GDA: variants seen among roughly 807,000 people sequenced by gnomAD.
GDA encodes the protein guanine deaminase, also known as cytoplasmic PSD-95 interactor.
GDA carries 18 observed loss-of-function variants against 59.6 expected under a neutral mutation model. The observed-to-expected ratio is 0.30, with a 90% CI of 0.21 to 0.45. The LOEUF is 0.45. Ranked by LOEUF, GDA falls within the 20% of genes least tolerant of loss-of-function variation. The probability of loss-of-function intolerance (pLI) is 1.00; values close to 1 mark genes in which losing one functional copy is unlikely to be tolerated. For missense variants in GDA, 427 were observed against 552.3 expected (o/e 0.77, Z 2.27); for synonymous variants, 201 against 201.1 (o/e 1.00, Z 0.00).
At chr9:72,221,974 G>A (rs2131569441) in intron 6 of GDA, among the ~76,000 whole-genome samples, 1 of 152,282 alleles carries the variant, frequency 6.6e-6, no homozygotes, top group Admixed American at 6.5e-5. Context: ...TGGGCATTTA[G>A]GTTGATTCCA....
chr9:72,213,639 T>TA (rs1415133697), intron 4 of GDA, among the ~76,000 whole-genome samples: 2 of 150,652 alleles, frequency 1.3e-5, no homozygotes, highest in Non-Finnish European at 3.0e-5. Flanking sequence ...CCGTCTCTAC[T>TA]AAAAATACAA....
chr9:72,228,080 G>A (rs2131625919), intron 9 of GDA, 40 bp downstream of exon 9: 1 of 1,145,876 alleles, frequency 8.7e-7, no homozygotes, highest in Admixed American at 1.8e-5. Context: ...ACGAATGATT[G>A]GGTTGCAGAT....
downstream of GDA, among the ~76,000 whole-genome samples, chr9:72,256,707 G>A (rs1414873444): frequency 7.2e-5 from 11 of 152,214 alleles, no homozygotes; most frequent in Admixed American, 6.5e-4. Context: ...GAATCACCAT[G>A]GGTGTTGGTT....
chr9:72,219,866 G>C (rs1836630803), intron 6 of GDA, among the ~76,000 whole-genome samples: 1 of 152,064 alleles, frequency 6.6e-6, no homozygotes, highest in South Asian at 2.1e-4. Flanking sequence ...TGTTATAACT[G>C]AAAATTTGTA....
At chr9:72,208,668 A>G (rs565144200) in intron 3 of GDA, among the ~76,000 whole-genome samples, 129 of 152,346 alleles carry the variant, frequency 8.5e-4, no homozygotes, top group Non-Finnish European at 1.5e-3. Context: ...GAAAGAGTTC[A>G]TGGAGAGTAA....
intron 1 of GDA, among the ~76,000 whole-genome samples, chr9:72,135,760 C>G (rs1564152079): frequency 6.6e-6 from 1 of 151,958 alleles, no homozygotes; most frequent in Non-Finnish European, 1.5e-5. Flanking sequence ...ATAGGCACCC[C>G]CCACTATGCC....
chr9:72,186,899 C>A (rs1471550696), intron 1 of GDA, among the ~76,000 whole-genome samples: 1 of 152,172 alleles, frequency 6.6e-6, no homozygotes, highest in East Asian at 1.9e-4. Context: ...TCCATTGGAA[C>A]CCACAGGGCC....
chr9:72,163,787 C>T (rs921615134), intron 1 of GDA, among the ~76,000 whole-genome samples: 2 of 152,170 alleles, frequency 1.3e-5, no homozygotes, highest in East Asian at 1.9e-4. Context: ...CCACCATGCC[C>T]GGCCAACTAT....
chr9:72,229,584 T>C (rs1031408660), intron 9 of GDA, among the ~76,000 whole-genome samples: 2 of 152,060 alleles, frequency 1.3e-5, no homozygotes, highest in South Asian at 4.1e-4. Context: ...CAAATGCTTA[T>C]GGGTTGTTGT....
intron 10 of GDA, among the ~76,000 whole-genome samples, chr9:72,237,929 T>G (rs957581359): frequency 1.3e-5 from 2 of 152,136 alleles, no homozygotes; most frequent in African/African-American, 4.8e-5. Flanking sequence ...GCTGAACTGC[T>G]GCACCAGCTT....
intron 1 of GDA, among the ~76,000 whole-genome samples, chr9:72,194,717 G>A (rs910694376): frequency 3.9e-5 from 6 of 152,124 alleles, no homozygotes; most frequent in African/African-American, 1.4e-4. Context: ...TAGTCCTTGG[G>A]ACCTAGACTG....
At chr9:72,133,306 A>AAT (rs1826099470) in intron 1 of GDA, among the ~76,000 whole-genome samples, 1 of 140,618 alleles carries the variant, frequency 7.1e-6, no homozygotes, top group Non-Finnish European at 1.5e-5. Context: ...AAAAAAAAAA[A>AAT]AAAATAATAA....
chr9:72,135,839 G>A (rs1299628807), intron 1 of GDA, among the ~76,000 whole-genome samples: 1 of 151,912 alleles, frequency 6.6e-6, no homozygotes. Flanking sequence ...TTGAACTCCT[G>A]ACGTCAGGTG....
Position 72,219,524 on chromosome 9 carries a change from G to A in GDA, c.606+18G>A, listed in dbSNP as rs776328160. 12 of 1,587,732 alleles carry A rather than the reference G, an allele frequency of 7.6e-6. No homozygotes were observed. The highest frequency in any genetic ancestry group is 8.6e-7 in the Non-Finnish European group (1 of 1,161,752). ...AAAAGAACGTGAGTAACTTTGTTCA[G>A]AGCTCGCTTTTAGATTGCCTTTGCA... On this transcript the variant is annotated intron_variant, in intron 6 of 13. Transcript: ENST00000358399.
intron 9 of GDA, among the ~76,000 whole-genome samples, chr9:72,229,629 A>G (rs1192586666): frequency 1.3e-5 from 2 of 152,172 alleles, no homozygotes; most frequent in African/African-American, 4.8e-5. Flanking sequence ...AAGAGTATTA[A>G]TTCCCTGGAA....
At chr9:72,224,256 C>CA (rs1837264066) in intron 7 of GDA, among the ~76,000 whole-genome samples, 1 of 152,260 alleles carries the variant, frequency 6.6e-6, no homozygotes, top group Non-Finnish European at 1.5e-5. Flanking sequence ...CACATTTACT[C>CA]ACATTTATCC....
chr9:72,201,425 T>A (rs1833992397), intron 2 of GDA, among the ~76,000 whole-genome samples: 1 of 152,178 alleles, frequency 6.6e-6, no homozygotes, highest in Non-Finnish European at 1.5e-5. Flanking sequence ...AAAGCTAGTC[T>A]TTTCCATGCG....
chr9:72,185,162 A>G (rs749406786), intron 1 of GDA, among the ~76,000 whole-genome samples: 27 of 152,256 alleles, frequency 1.8e-4, no homozygotes, highest in Non-Finnish European at 2.8e-4. Context: ...TTCAATAGAC[A>G]CAATATGGCC....
intron 1 of GDA, 67 bp downstream of exon 1, chr9:72,149,749 T>C (rs1176175823): frequency 1.4e-6 from 2 of 1,476,254 alleles, no homozygotes; most frequent in Non-Finnish European, 1.8e-6. Flanking sequence ...CCTGGCGCGG[T>C]GCTTCGCGTA....
Sources: allele counts gnomAD v4.1 joint callset (sites outside exome capture counted in the v4.1 genomes callset), GRCh38; gene constraint gnomAD v4.1.1; transcripts MANE v1.5; gene names NCBI Gene and HGNC (gene_info 2026-07-23, HGNC 2026-07-21).